Variants in PTPRR observed in about 807,000 individuals in gnomAD.
PTPRR encodes receptor-type tyrosine-protein phosphatase R.
A neutral mutation model predicts 77.2 loss-of-function variants in PTPRR; 38 were observed. The observed-to-expected ratio is 0.49, with a 90% CI of 0.38 to 0.65. PTPRR has a LOEUF of 0.65. Among genes scored for constraint, PTPRR ranks in the 30% least tolerant of loss-of-function variants. PTPRR has a pLI of 0.00. For synonymous variants in PTPRR, 299 were observed against 283.1 expected, an observed-to-expected ratio of 1.06 and a Z score of -0.57; for missense variants, 744 against 799.2, an observed-to-expected ratio of 0.93 and a Z score of 0.83.
At chr12:70,752,569 C>T (rs1378822510) in intron 5 of PTPRR, among the ~76,000 whole-genome samples, 2 of 152,176 alleles carry the variant, frequency 1.3e-5, no homozygotes, top group Non-Finnish European at 2.9e-5. Context: ...AAGCTCTGCT[C>T]TGTTTCTGCT....
chr12:70,739,906 A>G (rs1379517313), intron 6 of PTPRR, among the ~76,000 whole-genome samples: 8 of 152,140 alleles, frequency 5.3e-5, no homozygotes, highest in East Asian at 3.9e-4. Flanking sequence ...ATGGAAACAG[A>G]GAGCATGGAA....
chr12:70,804,126 C>A lies in PTPRR; in HGVS notation c.358-39348G>T, dbSNP rs376921376. On this transcript the variant is annotated intron_variant, in intron 2 of 13. Coordinates refer to ENST00000283228, the MANE Select transcript of PTPRR (RefSeq NM_002849.4). ...TGCCCTCAATGCCTGTCTTGTTTCA[C>A]CTGTTCCTGGCTCTGTGTGTGTGTG... is the stretch of plus-strand genomic sequence containing the variant. Among the ~76,000 whole-genome samples, 20 of 119,286 alleles carry A rather than the reference C, an allele frequency of 1.7e-4. No homozygotes were observed. The East Asian group carries it at 4.6e-3, about 28-fold the overall frequency. 78.3% of individuals were successfully genotyped at this position (119,286 alleles called of 152,430 possible).
chr12:70,701,883 G>T (rs11611778), intron 6 of PTPRR, among the ~76,000 whole-genome samples: 10,263 of 152,172 alleles, frequency 0.067, 411 homozygotes, highest in Non-Finnish European at 0.089. Flanking sequence ...TGAGGTGAGA[G>T]AATCATTTGA....
In PTPRR at chr12:70,663,643, A is replaced by G. The variant is rs990091339; in HGVS notation, c.1498-1038T>C. 4.5e-4 allele frequency among the ~76,000 whole-genome samples: 68 copies of G among 152,240 alleles called. 4 individuals carry two copies. The highest frequency in any genetic ancestry group is 8.5e-4 in the Admixed American group (13 of 15,278). On this transcript the variant is annotated intron_variant, in intron 10 of 13. Transcript: ENST00000283228. ...CATATAATCTCATTTTGCTTTTTAA[A>G]CAACTGTAAAATAACTATTTTTTAC...
chr12:70,839,761 G>A (rs527251518), intron 2 of PTPRR, among the ~76,000 whole-genome samples: 3 of 152,186 alleles, frequency 2.0e-5, no homozygotes, highest in South Asian at 2.1e-4. Flanking sequence ...ATTCACATGC[G>A]GGCCAGGTAT....
At chr12:70,906,382 T>C (rs1429960618) in intron 1 of PTPRR, among the ~76,000 whole-genome samples, 1 of 152,040 alleles carries the variant, frequency 6.6e-6, no homozygotes, top group African/African-American at 2.4e-5. Context: ...AAAGACACTT[T>C]GGGAACTTAC....
At chr12:70,740,367 T>C (rs1890007762) in intron 6 of PTPRR, among the ~76,000 whole-genome samples, 1 of 67,854 alleles carries the variant, frequency 1.5e-5, no homozygotes, top group Non-Finnish European at 3.2e-5. Context: ...AATTGCTATG[T>C]TTCTCTTTTT....
intron 6 of PTPRR, among the ~76,000 whole-genome samples, chr12:70,724,693 T>A (rs1889373848): frequency 6.6e-6 from 1 of 152,036 alleles, no homozygotes; most frequent in African/African-American, 2.4e-5. Context: ...CTGTTACAAG[T>A]AGTGTTGGTG....
chr12:70,720,795 C>T (rs1045941897), intron 6 of PTPRR, among the ~76,000 whole-genome samples: 2 of 152,164 alleles, frequency 1.3e-5, no homozygotes, highest in Admixed American at 1.3e-4. Flanking sequence ...GTACATTTTT[C>T]TTATTGGTAC....
chr12:70,808,407 C>G (rs1474783105), intron 2 of PTPRR, among the ~76,000 whole-genome samples: 1 of 152,108 alleles, frequency 6.6e-6, no homozygotes, highest in Admixed American at 6.6e-5. Context: ...TATTTGTACA[C>G]TCCCTCCCCT....
intron 6 of PTPRR, among the ~76,000 whole-genome samples, chr12:70,724,655 C>G (rs1565667217): frequency 6.6e-6 from 1 of 152,100 alleles, no homozygotes; most frequent in Non-Finnish European, 1.5e-5. Context: ...TTACTGACCC[C>G]TATTGGTAGT....
intron 4 of PTPRR, among the ~76,000 whole-genome samples, chr12:70,759,344 A>G (rs1171227041): frequency 6.7e-6 from 1 of 148,564 alleles, no homozygotes. Flanking sequence ...CAAAAAACCC[A>G]CAGTGTAGAG....
chr12:70,681,188 G>C (rs1339148514), intron 10 of PTPRR, among the ~76,000 whole-genome samples: 1 of 152,168 alleles, frequency 6.6e-6, no homozygotes, highest in African/African-American at 2.4e-5. Context: ...TGTGAAGGTA[G>C]TGTAATGGCA....
rs578206241 is a variant in PTPRR at position 70,759,458 on chromosome 12, C to T, written c.627+2013G>A. Among the ~76,000 whole-genome samples, 236 of 152,044 alleles carry T rather than the reference C, an allele frequency of 1.6e-3. 1 individual carries two copies. Among genetic ancestry groups the T allele is most frequent in the Admixed American group, 3.1e-3 (47 of 15,272 alleles). ...CTGTGGAGGTACAAGGGATACTTTG[C>T]TACACAGTAGACTGATCTTAAGAAA... On this transcript the variant is annotated intron_variant, in intron 4 of 13. Coordinates refer to ENST00000283228, the MANE Select transcript of PTPRR (RefSeq NM_002849.4).
chr12:70,676,841 G>GTAGT (rs1331138581), intron 10 of PTPRR, among the ~76,000 whole-genome samples: 1 of 145,446 alleles, frequency 6.9e-6, no homozygotes, highest in Non-Finnish European at 1.5e-5. Context: ...TTGAAGTCAG[G>GTAGT]TAGTATGATG....
At position 70,898,491 on chromosome 12, in the gene PTPRR, T is replaced by C. The variant is rs368228304; in HGVS notation, c.59-5514A>G. Among the ~76,000 whole-genome samples, 13 of 143,798 alleles carry C rather than the reference T, an allele frequency of 9.0e-5. No homozygotes were observed. In the East Asian group the frequency reaches 1.6e-3, roughly 17 times the overall value. 94.3% of individuals were successfully genotyped at this position (143,798 alleles called of 152,430 possible). A position where few individuals can be genotyped will look rare whatever the true frequency, so the allele number is the denominator to read the frequency against. ...TACTCTTTATATAATTATTTTTACA[T>C]ATTACATATTACATATTCAATAAAT... On this transcript the variant is annotated intron_variant, in intron 1 of 13. Coordinates refer to ENST00000283228, the MANE Select transcript of PTPRR (RefSeq NM_002849.4).
chr12:70,800,393 A>G (rs1464271962), intron 2 of PTPRR, among the ~76,000 whole-genome samples: 2 of 152,094 alleles, frequency 1.3e-5, no homozygotes, highest in East Asian at 3.9e-4. Context: ...AGTAGGGCAA[A>G]AAAGGATGGG....
intron 2 of PTPRR, among the ~76,000 whole-genome samples, chr12:70,881,456 T>G (rs1423759844): frequency 6.6e-6 from 1 of 152,158 alleles, no homozygotes; most frequent in Non-Finnish European, 1.5e-5. Context: ...TTCCCACAAT[T>G]GTAGAAATTG....
intron 2 of PTPRR, among the ~76,000 whole-genome samples, chr12:70,804,170 TG>T (rs1415590870): frequency 2.4e-4 from 37 of 151,850 alleles, no homozygotes; most frequent in African/African-American, 8.7e-4. Flanking sequence ...TGTGTGTGTG[TG>T]TGTGTGTTAA....
Sources: allele counts gnomAD v4.1 joint callset (sites outside exome capture counted in the v4.1 genomes callset), GRCh38; gene constraint gnomAD v4.1.1; transcripts MANE v1.5; gene names NCBI Gene and HGNC (gene_info 2026-07-23, HGNC 2026-07-21).